The following COL4A4 variants were observed in gnomAD, a reference collection of about 807,000 sequenced individuals.
The protein encoded by COL4A4 is collagen type IV alpha 4 chain, also known as collagen alpha-4(IV) chain.
A neutral mutation model predicts 192.9 loss-of-function variants in COL4A4; 105 were observed. The ratio of observed to expected loss-of-function variants is 0.54; its 90% CI spans 0.46 to 0.64. The LOEUF (loss-of-function observed/expected upper bound fraction) is 0.64. COL4A4 is among the 30% of genes least tolerant of loss of function. COL4A4 has a pLI of 0.00. For synonymous variants in COL4A4, 762 were observed against 769.9 expected (o/e 0.99, Z 0.17); for missense variants, 1,967 against 2,169.3 (o/e 0.91, Z 1.85).
In COL4A4 at chr2:227,003,717, T is replaced by G. The variant is rs1483650575; in HGVS notation, c.*3608A>C. On this transcript the variant is annotated 3_prime_UTR_variant, in exon 48 of 48. Transcript: ENST00000396625. ...TAGCAAAGATTTTATGCTAGGAAGC[T>G]CTTAAATCCTGAGGGAATACAGATT... The G allele has an allele frequency of 6.6e-6, 1 of 152,198 alleles. No individual in the cohort carries two copies. Among genetic ancestry groups the G allele is most frequent in the African/African-American group, 2.4e-5 (1 of 41,462 alleles). 9.4% of individuals were successfully genotyped at this position (152,198 alleles called of 1,614,324 possible).
chr2:227,002,189 AAAG>A (rs1384911048), downstream of COL4A4, among the ~76,000 whole-genome samples: 2 of 150,362 alleles, frequency 1.3e-5, no homozygotes, highest in African/African-American at 2.4e-5. Flanking sequence ...AAAAAAAAAA[AAAG>A]GCCACAAAGC....
intron 25 of COL4A4, among the ~76,000 whole-genome samples, chr2:227,074,391 C>T (rs982511497): frequency 2.6e-5 from 4 of 151,808 alleles, no homozygotes; most frequent in Admixed American, 6.6e-5. Context: ...TATTTAAAGA[C>T]AAAAAACAAT....
At chr2:227,022,279 G>C (rs2149855943) in intron 43 of COL4A4, 106 bp from the exon 44 acceptor site, 1 of 1,294,188 alleles carries the variant, frequency 7.7e-7, no homozygotes, top group East Asian at 2.3e-5. Flanking sequence ...CTGAAATTTA[G>C]TACAAATTCA....
chr2:227,032,308 C>T lies in COL4A4; in HGVS notation c.3578-32G>A. ...GGGGAAAACAGAATTAATACTATAT[C>T]TTCTCTTTTCTTGTCCCTGTTATAG... is the stretch of plus-strand genomic sequence containing the variant. On this transcript the variant is annotated intron_variant, in intron 38 of 47. Transcript: ENST00000396625. The T allele has an allele frequency of 2.5e-6, 4 of 1,588,874 alleles. No individual in the cohort carries two copies. In the East Asian group the frequency reaches 9.1e-5, roughly 36 times the overall value.
In COL4A4 at chr2:227,091,561, T is replaced by C. The variant is rs1016046118; in HGVS notation, c.1370-1604A>G. ...TCTCTTCTCAGCCTTTTGGCTAAGATTGAATGCAAAGAAACACTTGAAGAA... is the reference window on the plus strand; with the variant it reads ...TCTCTTCTCAGCCTTTTGGCTAAGACTGAATGCAAAGAAACACTTGAAGAA... On this transcript the variant is annotated intron_variant, in intron 20 of 47. Coordinates refer to ENST00000396625, the MANE Select transcript of COL4A4 (RefSeq NM_000092.5). Among the ~76,000 whole-genome samples, 3 of 152,112 alleles carry C rather than the reference T, an allele frequency of 2.0e-5. No individual in the cohort carries two copies. The South Asian group carries it at 6.2e-4, about 32-fold the overall frequency.
rs369108674 is a variant in COL4A4 at position 227,104,000 on chromosome 2, G to C, written c.788C>G (p.Pro263Arg). 1.9e-5 allele frequency: 31 copies of C among 1,613,424 alleles called. No individual in the cohort carries two copies. The highest frequency in any genetic ancestry group is 1.9e-4 in the African/African-American group (14 of 74,822). The part of the protein sequence containing the change: ...SPGPTLLVEP[P>R]DFCLYKGEKG... ...TTCTCCTTTATAGAGACAAAAGTCA[G>C]GTGGCTCTACCAACAGGGTGGGTCC... Residue 263 changes from proline (P) to arginine (R), a missense_variant, in exon 13 of 48, where the codon CCT becomes CGT. Transcript: ENST00000396625.
the COL4A4 span, among the ~76,000 whole-genome samples, chr2:226,983,056 C>T: frequency 6.6e-6 from 1 of 152,208 alleles, no homozygotes; most frequent in Admixed American, 6.5e-5. Context: ...TTGTACTAAA[C>T]CAAATGCCAT....
chr2:226,969,898 G>C, the COL4A4 span, among the ~76,000 whole-genome samples: 1 of 151,880 alleles, frequency 6.6e-6, no homozygotes, highest in African/African-American at 2.4e-5. Context: ...CCTGTGGCGA[G>C]GCACAAAGGG....
intron 25 of COL4A4, among the ~76,000 whole-genome samples, chr2:227,072,460 T>C (rs1406387529): frequency 6.6e-6 from 1 of 151,924 alleles, no homozygotes; most frequent in Non-Finnish European, 1.5e-5. Flanking sequence ...ACAGCTAAAT[T>C]CTACTTAGAC....
chr2:227,030,333 G>T, intron 41 of COL4A4, 110 bp downstream of exon 41: 2 of 1,199,084 alleles, frequency 1.7e-6, no homozygotes, highest in Non-Finnish European at 2.5e-6. Flanking sequence ...ATTTTGGAAG[G>T]TAGTCACTTT....
At chr2:227,068,202 G>T (rs2058472237) in intron 25 of COL4A4, among the ~76,000 whole-genome samples, 1 of 150,758 alleles carries the variant, frequency 6.6e-6, no homozygotes, top group Non-Finnish European at 1.5e-5. Context: ...CCAATAACAG[G>T]ATCTGAAATT....
chr2:227,048,326 A>G (rs1481636979), intron 34 of COL4A4, among the ~76,000 whole-genome samples: 2 of 152,070 alleles, frequency 1.3e-5, no homozygotes, highest in Non-Finnish European at 2.9e-5. Flanking sequence ...ATAATGGCCA[A>G]TTGCTTGAGG....
chr2:227,134,127 G>GT (rs1239699967), intron 4 of COL4A4, among the ~76,000 whole-genome samples: 2 of 152,140 alleles, frequency 1.3e-5, no homozygotes, highest in Non-Finnish European at 2.9e-5. Flanking sequence ...TAGGCACTGG[G>GT]TTTTTTAAAA....
In COL4A4 at chr2:227,022,044, A is replaced by T. The variant is rs368670146; in HGVS notation, c.4216+4T>A. 2 of 1,613,752 alleles carry T rather than the reference A, an allele frequency of 1.2e-6. No individual in the cohort carries two copies. Among genetic ancestry groups the T allele is most frequent in the Non-Finnish European group, 8.5e-7 (1 of 1,179,718 alleles). On this transcript the variant is annotated splice_donor_region_variant and intron_variant, in intron 44 of 47. Coordinates refer to ENST00000396625, the MANE Select transcript of COL4A4 (RefSeq NM_000092.5). ...ATAATGAACAATCAGCATGCGGCTC[A>T]TACCTGGTCCTGAGGGGCCTCTCAT...
rs916895963 is a variant in COL4A4, at chr2:227,007,538, G to C, written c.4860C>G (p.Gly1620=). The C allele has an allele frequency of 2.6e-5, 42 of 1,613,302 alleles. No homozygotes were observed. The highest frequency in any genetic ancestry group is 3.6e-5 in the Non-Finnish European group (42 of 1,180,046). The change falls in exon 48 of 48, where the codon GGC becomes GGG. Residue 1620 remains glycine, a synonymous_variant. Coordinates refer to ENST00000396625, the MANE Select transcript of COL4A4 (RefSeq NM_000092.5). The part of the protein sequence containing the change: ...QGGGQALMSP[G]SCLEDFRAAP... ...CTGCTCTGAAATCTTCCAGGCAGCT[G>C]CCAGGTGACATAAGGGCCTGCCCTC...
rs374815903 is a variant in COL4A4, at chr2:227,118,688, C to A, written c.446G>T (p.Gly149Val). 1.2e-6 allele frequency: 2 copies of A among 1,613,976 alleles called. No individual in the cohort carries two copies. Among genetic ancestry groups the A allele is most frequent in the Admixed American group, 3.3e-5 (2 of 60,006 alleles). Reference protein sequence around the residue: ...SGHNGSRGDPGFPGGRGALGP... With the variant: ...SGHNGSRGDPVFPGGRGALGP... ...AAGAGCTCCTCTTCCTCCTGGAAAC[C>A]CTGGGTCACCTCTTGAGCCATTGTG... Residue 149 changes from glycine (G) to valine (V), a missense_variant, in exon 7 of 48, where the codon GGG becomes GTG. By Grantham distance (109) the Gly-to-Val change is moderately radical (BLOSUM62 -3). Coordinates refer to ENST00000396625, the MANE Select transcript of COL4A4 (RefSeq NM_000092.5).
chr2:227,139,408 C>G (rs1157199018), intron 4 of COL4A4, among the ~76,000 whole-genome samples: 5 of 152,174 alleles, frequency 3.3e-5, no homozygotes, highest in Non-Finnish European at 5.9e-5. Context: ...ATTGTTTGAT[C>G]TAATACTTTA....
At chr2:226,989,302 A>G in the COL4A4 span, among the ~76,000 whole-genome samples, 2 of 152,204 alleles carry the variant, frequency 1.3e-5, no homozygotes, top group Non-Finnish European at 2.9e-5. Flanking sequence ...AGGCATACAT[A>G]TTGTATGGAT....
chr2:227,143,510 C>G (rs1292452689), intron 3 of COL4A4, among the ~76,000 whole-genome samples: 1 of 152,130 alleles, frequency 6.6e-6, no homozygotes, highest in Admixed American at 6.5e-5. Flanking sequence ...CTCTGCACAC[C>G]ACAAGCTGGT....
Sources: gnomAD v4.1 joint callset for allele counts (sites outside exome capture counted in the v4.1 genomes callset) on GRCh38, gnomAD v4.1.1 for gene constraint, MANE v1.5 for transcripts, NCBI Gene and HGNC (gene_info 2026-07-23, HGNC 2026-07-21) for gene names.